The following TANGO6 variants were observed in gnomAD, a reference collection of about 807,000 sequenced individuals.
The protein encoded by TANGO6 is transport and Golgi organization protein 6 homolog.
A neutral mutation model predicts 114.2 loss-of-function variants in TANGO6; 90 were observed. The ratio of observed to expected loss-of-function variants is 0.79; its 90% CI spans 0.66 to 0.94. The LOEUF (loss-of-function observed/expected upper bound fraction) is 0.94. TANGO6 is among the 40% of genes least tolerant of loss of function. The pLI is 0.00. For synonymous variants in TANGO6, 477 were observed against 509.8 expected (o/e 0.94, Z 0.87); for missense variants, 1,274 against 1,315.3 (o/e 0.97, Z 0.49).
intron 14 of TANGO6, among the ~76,000 whole-genome samples, chr16:68,946,649 A>G (rs1963417618): frequency 6.6e-6 from 1 of 152,030 alleles, no homozygotes; most frequent in Admixed American, 6.6e-5. Context: ...CTACAGGTGC[A>G]CACCACCATG....
intron 17 of TANGO6, among the ~76,000 whole-genome samples, chr16:69,065,401 TC>T (rs1050446525): frequency 6.6e-6 from 1 of 152,214 alleles, no homozygotes; most frequent in Non-Finnish European, 1.5e-5. Context: ...TTGGTCTTTG[TC>T]CCTAAACAAC....
intron 8 of TANGO6, among the ~76,000 whole-genome samples, chr16:68,901,123 CT>C (rs1453563729): frequency 6.6e-6 from 1 of 152,172 alleles, no homozygotes; most frequent in African/African-American, 2.4e-5. Context: ...GTTATCTTAT[CT>C]CAAGTCCTAT....
At chr16:68,865,141 G>C (rs1962156579) in intron 3 of TANGO6, among the ~76,000 whole-genome samples, 1 of 152,064 alleles carries the variant, frequency 6.6e-6, no homozygotes, top group African/African-American at 2.4e-5. Context: ...GCCGGGCGTG[G>C]TGGTGTGAGC....
chr16:68,899,505 CTT>C (rs753964803), intron 7 of TANGO6, among the ~76,000 whole-genome samples: 169 of 142,792 alleles, frequency 1.2e-3, no homozygotes, highest in Non-Finnish European at 1.9e-3. Context: ...TCCTCACACA[CTT>C]TTTTTTTTTT....
chr16:69,052,313 A>G (rs1236593247), intron 17 of TANGO6, among the ~76,000 whole-genome samples: 2 of 147,084 alleles, frequency 1.4e-5, no homozygotes, highest in Admixed American at 1.4e-4. Context: ...CTGTCTCCCA[A>G]GCTGGAGTGT....
In TANGO6 at chr16:68,989,993, T is replaced by C. The variant is rs141509263; in HGVS notation, c.2842+15825T>C. Among the ~76,000 whole-genome samples, 1,052 of 152,316 alleles carry C rather than the reference T, an allele frequency of 6.9e-3. 8 individuals carry two copies. The highest frequency in any genetic ancestry group is 0.024 in the African/African-American group (1,005 of 41,564). On this transcript the variant is annotated intron_variant, in intron 15 of 17. Coordinates refer to ENST00000261778, the MANE Select transcript of TANGO6 (RefSeq NM_024562.2). ...TGCTTGTTTTCTGCTTTGGAGTACA[T>C]AAAATTAAAAGAGATGAAATCTTAT... is the stretch of plus-strand genomic sequence containing the variant.
chr16:69,068,450 A>G (rs1044206300), intron 17 of TANGO6, among the ~76,000 whole-genome samples: 1 of 152,178 alleles, frequency 6.6e-6, no homozygotes, highest in African/African-American at 2.4e-5. Context: ...GGAAATGATA[A>G]TTGTGTTGTG....
chr16:69,007,806 G>C (rs1480865126), intron 15 of TANGO6, among the ~76,000 whole-genome samples: 2 of 152,076 alleles, frequency 1.3e-5, no homozygotes, highest in African/African-American at 4.8e-5. Context: ...CTCCTCACCA[G>C]GGCTTATTAT....
chr16:68,912,674 C>G (rs1962939831), intron 11 of TANGO6, among the ~76,000 whole-genome samples: 1 of 151,822 alleles, frequency 6.6e-6, no homozygotes, highest in South Asian at 2.1e-4. Context: ...CAGGGAAGTT[C>G]ATAATGTAAA....
At chr16:69,045,609 G>A (rs1959844235) in intron 17 of TANGO6, among the ~76,000 whole-genome samples, 1 of 150,088 alleles carries the variant, frequency 6.7e-6, no homozygotes, top group Non-Finnish European at 1.5e-5. Flanking sequence ...TGGGTGTGGT[G>A]GTAGGCGCCT....
At chr16:68,922,939 G>GGTTT (rs1555523768) in intron 12 of TANGO6, among the ~76,000 whole-genome samples, 7 of 79,052 alleles carry the variant, frequency 8.9e-5, no homozygotes, top group African/African-American at 3.7e-4. Context: ...CTTAGGTCAT[G>GGTTT]TTTTTTTTTT....
At chr16:69,066,816 G>A (rs1193275309) in intron 17 of TANGO6, among the ~76,000 whole-genome samples, 7 of 152,126 alleles carry the variant, frequency 4.6e-5, no homozygotes, top group Admixed American at 4.6e-4. Context: ...ACTTTGAGAG[G>A]CTGAGGTGGG....
rs371218955 is a variant in TANGO6, at chr16:68,843,687, T to A, written c.70T>A (p.Leu24Met). 5 of 1,613,644 alleles carry A rather than the reference T, an allele frequency of 3.1e-6. No individual in the cohort carries two copies. In the South Asian group the frequency reaches 4.4e-5, roughly 14 times the overall value. The change falls in exon 1 of 18, where the codon TTG becomes ATG. Residue 24 changes from leucine to methionine, a missense_variant. Physicochemically the swap from Leu to Met is conservative, Grantham distance 15. Around this residue, in one of 5 missense-constraint regions of TANGO6, gnomAD observed 114 missense variants for 104.6 expected, o/e 1.09. Transcript: ENST00000261778. ...CGGTCTGGATCGGATTTTGGAGGCA[T>A]TGAAGCTGCTGCTGAGCCCGGGAGG... ...TCGLDRILEA[L>M]KLLLSPGGSG...
intron 17 of TANGO6, among the ~76,000 whole-genome samples, chr16:69,061,121 T>G (rs930147456): frequency 3.3e-5 from 5 of 152,234 alleles, no homozygotes; most frequent in Admixed American, 6.5e-5. Flanking sequence ...GAGGGAATTT[T>G]GCCTCCTTAC....
At chr16:69,033,890 A>G in intron 16 of TANGO6, 1 of 173,198 alleles carries the variant, frequency 5.8e-6, no homozygotes. Flanking sequence ...GTCCCTGGAG[A>G]CCTATCTCTT....
At chr16:69,068,030 A>G (rs1488115199) in intron 17 of TANGO6, among the ~76,000 whole-genome samples, 1 of 151,566 alleles carries the variant, frequency 6.6e-6, no homozygotes, top group Non-Finnish European at 1.5e-5. Flanking sequence ...AGTCCCAGCT[A>G]CTCGGGAGGC....
intron 15 of TANGO6, among the ~76,000 whole-genome samples, chr16:68,976,862 T>C (rs1963769772): frequency 6.6e-6 from 1 of 152,224 alleles, no homozygotes; most frequent in Non-Finnish European, 1.5e-5. Context: ...TCTTTTATTC[T>C]TTAAGTTATA....
intron 15 of TANGO6, among the ~76,000 whole-genome samples, chr16:69,003,613 G>A (rs1964064651): frequency 6.6e-6 from 1 of 151,932 alleles, no homozygotes; most frequent in South Asian, 2.1e-4. Context: ...TTTAACATAG[G>A]GGACCAAAAT....
At chr16:68,991,168 G>A (rs1963943161) in intron 15 of TANGO6, among the ~76,000 whole-genome samples, 1 of 152,220 alleles carries the variant, frequency 6.6e-6, no homozygotes, top group Non-Finnish European at 1.5e-5. Context: ...GATAGACAGG[G>A]TAGAGCCATA....
Sources: gnomAD v4.1 joint callset for allele counts (sites outside exome capture counted in the v4.1 genomes callset) on GRCh38, gnomAD v4.1.1 for gene constraint, gnomAD v4.1.1 regional missense constraint, MANE v1.5 for transcripts, NCBI Gene and HGNC (gene_info 2026-07-23, HGNC 2026-07-21) for gene names.